The following DYNC1I1 variants were observed in gnomAD, a reference collection of about 807,000 sequenced individuals.
DYNC1I1 encodes the protein cytoplasmic dynein 1 intermediate chain 1.
Under a neutral mutation model 86.6 loss-of-function variants are expected in DYNC1I1, and 43 were observed. That is an observed-to-expected ratio of 0.50 (90% CI 0.39 to 0.64). The LOEUF (loss-of-function observed/expected upper bound fraction) is 0.64. Ranked by LOEUF, DYNC1I1 falls within the 30% of genes least tolerant of loss-of-function variation. DYNC1I1 has a pLI of 0.00. For missense variants in DYNC1I1, 604 were observed against 788.8 expected, an observed-to-expected ratio of 0.77 and a Z score of 2.81; for synonymous variants, 262 against 283.7, an observed-to-expected ratio of 0.92 and a Z score of 0.77.
intron 16 of DYNC1I1, among the ~76,000 whole-genome samples, chr7:96,093,104 CAG>C (rs970351963): frequency 4.6e-5 from 7 of 152,054 alleles, no homozygotes; most frequent in Non-Finnish European, 8.8e-5. Context: ...TTTTAAAAAA[CAG>C]AAAAATACTG....
chr7:95,828,208 C>T (rs1439620920), intron 5 of DYNC1I1, 92 bp downstream of exon 5: 1 of 1,424,174 alleles, frequency 7.0e-7, no homozygotes, highest in East Asian at 2.3e-5. Context: ...GTGTTCTCCC[C>T]TTTTGTTGAA....
intron 4 of DYNC1I1, among the ~76,000 whole-genome samples, chr7:95,814,667 C>G (rs1475182887): frequency 6.6e-6 from 1 of 151,824 alleles, no homozygotes; most frequent in Admixed American, 6.6e-5. Flanking sequence ...GGTTTTTTTG[C>G]TTTTGAAACC....
At chr7:95,817,776 A>G (rs1464848421) in intron 4 of DYNC1I1, among the ~76,000 whole-genome samples, 1 of 152,184 alleles carries the variant, frequency 6.6e-6, no homozygotes, top group Non-Finnish European at 1.5e-5. Flanking sequence ...TCAGATAGCA[A>G]CCAGAAGTGA....
chr7:95,951,080 C>A (rs1280824643), intron 6 of DYNC1I1, among the ~76,000 whole-genome samples: 2 of 152,150 alleles, frequency 1.3e-5, no homozygotes, highest in Admixed American at 6.6e-5. Flanking sequence ...TCATAAATAT[C>A]TTTTTACTAT....
At position 96,073,305 on chromosome 7, in the gene DYNC1I1, C is replaced by G. The variant is rs565676208; in HGVS notation, c.1510-2752C>G. Among the ~76,000 whole-genome samples the G allele has an allele frequency of 2.6e-5, 4 of 152,208 alleles. No individual in the cohort carries two copies. The East Asian group carries it at 7.7e-4, about 29-fold the overall frequency. ...GAGAGCAATAGCATTTCAATCAATA[C>G]TATTAAATATAAGAAACTGGGTTTT... On this transcript the variant is annotated intron_variant, in intron 14 of 16. Transcript: ENST00000447467.
rs1319585173 is a variant in DYNC1I1 at position 95,906,588 on chromosome 7, A to G, written c.490+36590A>G. ...TTCACTTCCATTTATTCCTAGAATT[A>G]GCCTTAATTTTTTTTTCATTAAAAG... is the stretch of plus-strand genomic sequence containing the variant. On this transcript the variant is annotated intron_variant, in intron 6 of 16. Transcript: ENST00000447467. Among the ~76,000 whole-genome samples the G allele has an allele frequency of 2.0e-5, 3 of 151,280 alleles. No individual in the cohort carries two copies. In the South Asian group the frequency reaches 6.3e-4, roughly 32 times the overall value.
intron 16 of DYNC1I1, among the ~76,000 whole-genome samples, chr7:96,104,691 G>A (rs557856652): frequency 6.6e-6 from 1 of 152,060 alleles, no homozygotes; most frequent in African/African-American, 2.4e-5. Flanking sequence ...TATATGTATA[G>A]GCATATTTAT....
chr7:96,050,687 GCCACTAGACCT>G (rs1439761256), intron 14 of DYNC1I1, among the ~76,000 whole-genome samples: 1 of 151,974 alleles, frequency 6.6e-6, no homozygotes, highest in African/African-American at 2.4e-5. Flanking sequence ...CCCCATGATT[GCCACTAGACCT>G]GCTTCTTCAA....
intron 1 of DYNC1I1, among the ~76,000 whole-genome samples, chr7:95,785,789 A>G (rs199784070): frequency 0.035 from 2,776 of 78,486 alleles, 62 homozygotes; most frequent in Middle Eastern, 0.099. Context: ...ATATATATAT[A>G]TATATATATA....
chr7:96,066,958 G>A (rs1433012610), intron 14 of DYNC1I1, among the ~76,000 whole-genome samples: 2 of 152,184 alleles, frequency 1.3e-5, no homozygotes, highest in Non-Finnish European at 2.9e-5. Context: ...TATGTGCCTT[G>A]TTAAAGTAAG....
At chr7:96,002,564 A>T (rs1009687182) in intron 10 of DYNC1I1, among the ~76,000 whole-genome samples, 3 of 152,188 alleles carry the variant, frequency 2.0e-5, no homozygotes, top group Non-Finnish European at 2.9e-5. Context: ...CATAGTAAGT[A>T]CCCAGTGAGT....
intron 5 of DYNC1I1, among the ~76,000 whole-genome samples, chr7:95,834,784 G>C (rs1362422436): frequency 1.6e-5 from 2 of 128,080 alleles, no homozygotes; most frequent in Non-Finnish European, 3.3e-5. Flanking sequence ...ATTCTCTGAT[G>C]GTAGTTTGTA....
At chr7:95,852,863 C>G (rs1293699247) in intron 5 of DYNC1I1, among the ~76,000 whole-genome samples, 1 of 152,110 alleles carries the variant, frequency 6.6e-6, no homozygotes, top group Admixed American at 6.6e-5. Context: ...TCTTGTTTCT[C>G]TAGTTCCTTA....
chr7:95,848,009 G>A (rs1002676918), intron 5 of DYNC1I1, among the ~76,000 whole-genome samples: 2 of 151,834 alleles, frequency 1.3e-5, no homozygotes, highest in South Asian at 2.1e-4. Flanking sequence ...AAATAAAATT[G>A]TATGTATTTA....
intron 6 of DYNC1I1, among the ~76,000 whole-genome samples, chr7:95,952,021 A>G (rs1792572944): frequency 6.6e-6 from 1 of 152,180 alleles, no homozygotes; most frequent in South Asian, 2.1e-4. Flanking sequence ...TTTTTATTTA[A>G]TAAGGCTCTG....
chr7:95,877,794 A>C (rs1242595975), intron 6 of DYNC1I1, among the ~76,000 whole-genome samples: 2 of 152,248 alleles, frequency 1.3e-5, no homozygotes, highest in Non-Finnish European at 1.5e-5. Flanking sequence ...GCTTATTTCA[A>C]CCTGTGGAGA....
chr7:95,974,244 CT>C (rs1793246677), intron 6 of DYNC1I1, among the ~76,000 whole-genome samples: 1 of 152,158 alleles, frequency 6.6e-6, no homozygotes, highest in African/African-American at 2.4e-5. Flanking sequence ...TTTCTCTCCA[CT>C]GGAATGGAAG....
chr7:96,035,505 T>G, intron 12 of DYNC1I1, 114 bp from the exon 13 acceptor site: 1 of 1,394,732 alleles, frequency 7.2e-7, no homozygotes, highest in Non-Finnish European at 9.4e-7. Flanking sequence ...CCGGGGTCTT[T>G]TGTAACGCTG....
At position 95,987,173 on chromosome 7, in the gene DYNC1I1, G is replaced by A; in HGVS notation, c.843+18G>A. 1.2e-6 allele frequency: 2 copies of A among 1,601,040 alleles called. No individual in the cohort carries two copies. Among genetic ancestry groups the A allele is most frequent in the Non-Finnish European group, 1.7e-6 (2 of 1,170,086 alleles). ...CCCTCCAGGTAAGAATTATTGCTGG[G>A]CTGGGACAAACTGGGCTTGTGTTCT... On this transcript the variant is annotated intron_variant, in intron 9 of 16. Transcript: ENST00000447467.
Sources: allele counts gnomAD v4.1 joint callset (sites outside exome capture counted in the v4.1 genomes callset), GRCh38; gene constraint gnomAD v4.1.1; transcripts MANE v1.5; gene names NCBI Gene and HGNC (gene_info 2026-07-23, HGNC 2026-07-21).